The following PCBP3 variants were observed in gnomAD, a reference collection of about 807,000 sequenced individuals.
The protein encoded by PCBP3 is poly(rC)-binding protein 3.
Under a neutral mutation model 52.7 loss-of-function variants are expected in PCBP3, and 25 were observed. That is an observed-to-expected ratio of 0.47 (90% confidence interval 0.35 to 0.66). PCBP3 has a LOEUF of 0.66. Ranked by LOEUF, PCBP3 falls within the 30% of genes least tolerant of loss-of-function variation. PCBP3 has a pLI of 0.01. For synonymous variants in PCBP3, 162 were observed against 183.0 expected (o/e 0.89, Z 0.93); for missense variants, 391 against 490.3 (o/e 0.80, Z 1.91).
intron 9 of PCBP3, 73 bp from the exon 10 acceptor site, chr21:45,909,282 C>A (rs1027179172): frequency 1.3e-6 from 2 of 1,497,178 alleles, no homozygotes; most frequent in Middle Eastern, 1.8e-4. Context: ...GAAGTCAGGA[C>A]ACACCCCCTG....
chr21:45,862,806 C>T (rs1033150299), intron 5 of PCBP3, among the ~76,000 whole-genome samples: 1 of 152,248 alleles, frequency 6.6e-6, no homozygotes, highest in Admixed American at 6.5e-5. Flanking sequence ...ATTCACATTT[C>T]ACTTCTGCCT....
chr21:45,720,465 A>G (rs1267081497), intron 2 of PCBP3, among the ~76,000 whole-genome samples: 1 of 152,180 alleles, frequency 6.6e-6, no homozygotes, highest in Non-Finnish European at 1.5e-5. Context: ...TATCCAGTCT[A>G]TCAAACCTGC....
intron 2 of PCBP3, among the ~76,000 whole-genome samples, chr21:45,705,722 G>T (rs1172748075): frequency 1.3e-5 from 2 of 152,166 alleles, no homozygotes; most frequent in Non-Finnish European, 1.5e-5. Context: ...GTCACATATG[G>T]TCTCTTATAG....
At chr21:45,679,978 A>G (rs987815328) in intron 2 of PCBP3, among the ~76,000 whole-genome samples, 3 of 152,210 alleles carry the variant, frequency 2.0e-5, no homozygotes, top group African/African-American at 7.2e-5. Context: ...TGCCTTTGCA[A>G]TTCTCCAAAT....
Position 45,900,984 on chromosome 21 carries a change from G to A in PCBP3, c.223-13G>A. On this transcript the variant is annotated splice_polypyrimidine_tract_variant and intron_variant, in intron 8 of 17. Coordinates refer to ENST00000681687, the MANE Select transcript of PCBP3 (RefSeq NM_001384156.1). ...TTAATCAGGTCGCTGGGGTTTCTCT[G>A]CTCTCACCTTAGAGTGGTGCAAGGA... 6.2e-7 allele frequency: 1 copy of A among 1,600,692 alleles called. No individual in the cohort carries two copies. Among genetic ancestry groups the A allele is most frequent in the Non-Finnish European group, 8.6e-7 (1 of 1,167,808 alleles).
chr21:45,873,060 A>G (rs1790404772), intron 5 of PCBP3: 1 of 151,988 alleles, frequency 6.6e-6, no homozygotes, highest in African/African-American at 2.4e-5. Context: ...GATACGGGCG[A>G]GCGGGGCGGG....
chr21:45,814,699 ATGAGTGGTGAGTGATGAG>A (rs1569258641), intron 4 of PCBP3, among the ~76,000 whole-genome samples: 1 of 76,360 alleles, frequency 1.3e-5, no homozygotes. Flanking sequence ...GTGGTGAGTG[ATGAGTGGTGAGTGATGAG>A]TGAGTGGTGA....
chr21:45,854,532 T>C (rs760135438), intron 5 of PCBP3, among the ~76,000 whole-genome samples: 15 of 152,204 alleles, frequency 9.9e-5, no homozygotes, highest in South Asian at 4.1e-4. Context: ...GTATCTGGCT[T>C]CTTTCTTTTA....
intron 1 of PCBP3, among the ~76,000 whole-genome samples, chr21:45,664,437 G>A (rs1288917508): frequency 6.7e-6 from 1 of 149,404 alleles, no homozygotes; most frequent in Non-Finnish European, 1.5e-5. Flanking sequence ...CAGCAAATGT[G>A]CACTATGAGA....
chr21:45,709,483 C>T (rs533978733), intron 2 of PCBP3, among the ~76,000 whole-genome samples: 2 of 152,254 alleles, frequency 1.3e-5, no homozygotes, highest in East Asian at 1.9e-4. Context: ...AGATAGGCGA[C>T]GACTTTTCAG....
At chr21:45,796,150 A>C (rs1040615480) in intron 4 of PCBP3, among the ~76,000 whole-genome samples, 3 of 152,210 alleles carry the variant, frequency 2.0e-5, no homozygotes, top group Admixed American at 6.5e-5. Context: ...TGTGAGGTCT[A>C]TAAACCATGC....
At chr21:45,818,754 G>A (rs1012087889) in intron 4 of PCBP3, among the ~76,000 whole-genome samples, 1 of 152,196 alleles carries the variant, frequency 6.6e-6, no homozygotes, top group Non-Finnish European at 1.5e-5. Context: ...ACACTTGGAA[G>A]CAACCAAGAC....
chr21:45,747,678 C>G (rs1170556324), intron 3 of PCBP3, among the ~76,000 whole-genome samples: 1 of 152,256 alleles, frequency 6.6e-6, no homozygotes, highest in African/African-American at 2.4e-5. Context: ...TGCGGTCTTG[C>G]CCTTACCCCG....
chr21:45,833,746 G>A (rs1020594216), intron 4 of PCBP3, among the ~76,000 whole-genome samples: 1 of 152,180 alleles, frequency 6.6e-6, no homozygotes, highest in African/African-American at 2.4e-5. Flanking sequence ...AGGATTGTCT[G>A]TTTCTGGGCA....
chr21:45,713,318 C>G (rs1339309200), intron 2 of PCBP3, among the ~76,000 whole-genome samples: 2 of 152,154 alleles, frequency 1.3e-5, no homozygotes, highest in African/African-American at 4.8e-5. Flanking sequence ...CTAGCTTGAC[C>G]TACCATTTCT....
At chr21:45,744,491 C>T (rs186852780) in intron 3 of PCBP3, among the ~76,000 whole-genome samples, 60 of 152,224 alleles carry the variant, frequency 3.9e-4, no homozygotes, top group African/African-American at 1.3e-3. Flanking sequence ...GCCACCATGC[C>T]GGGCCTAGTT....
rs1290429674 is a variant in PCBP3, at chr21:45,826,622, ATTC to A, written c.-125-23337_-125-23335del. 3.9e-5 allele frequency among the ~76,000 whole-genome samples: 6 copies of A among 152,256 alleles called. No homozygotes were observed. The East Asian group carries it at 7.7e-4, about 20-fold the overall frequency. On this transcript the variant is annotated intron_variant, in intron 4 of 17. Transcript: ENST00000681687. Reference sequence around the variant, plus strand: ...ATTTTATATAAAACATGCATAAAAGATTCTGAAAGGTGGGAAGAAGAAGGCCAG... The same window carrying A: ...ATTTTATATAAAACATGCATAAAAGATGAAAGGTGGGAAGAAGAAGGCCAG...
At chr21:45,855,177 G>A (rs950129029) in intron 5 of PCBP3, among the ~76,000 whole-genome samples, 1 of 152,284 alleles carries the variant, frequency 6.6e-6, no homozygotes, top group Non-Finnish European at 1.5e-5. Flanking sequence ...CTCTCTCTGC[G>A]CTTTCCCACA....
At chr21:45,930,465 C>T (rs977276656) in intron 14 of PCBP3, among the ~76,000 whole-genome samples, 2 of 152,194 alleles carry the variant, frequency 1.3e-5, no homozygotes, top group Non-Finnish European at 2.9e-5. Flanking sequence ...AGCAGTGACC[C>T]GAGTCAGCCC....
Sources: gnomAD v4.1 joint callset for allele counts (sites outside exome capture counted in the v4.1 genomes callset) on GRCh38, gnomAD v4.1.1 for gene constraint, MANE v1.5 for transcripts, NCBI Gene and HGNC (gene_info 2026-07-23, HGNC 2026-07-21) for gene names.